Variants in LRRTM4 observed in about 807,000 individuals in gnomAD.
LRRTM4 encodes leucine rich repeat transmembrane neuronal 4.
LRRTM4 carries 25 observed loss-of-function variants against 47.6 expected under a neutral mutation model. That is an observed-to-expected ratio of 0.53 (90% CI 0.38 to 0.73). LRRTM4 has a LOEUF of 0.73. Among genes scored for constraint, LRRTM4 ranks in the 30% least tolerant of loss-of-function variants. The pLI is 0.00. For missense variants in LRRTM4, 638 were observed against 713.4 expected, an observed-to-expected ratio of 0.89 and a Z score of 1.20; for synonymous variants, 311 against 269.5, an observed-to-expected ratio of 1.15 and a Z score of -1.51.
chr2:76,790,986 G>T (rs1270104228), intron 3 of LRRTM4, among the ~76,000 whole-genome samples: 1 of 152,042 alleles, frequency 6.6e-6, no homozygotes, highest in Non-Finnish European at 1.5e-5. Flanking sequence ...GTCCACAGAA[G>T]GTATGTTTCC....
At chr2:76,927,282 A>T (rs1227840331) in intron 3 of LRRTM4, among the ~76,000 whole-genome samples, 2 of 152,128 alleles carry the variant, frequency 1.3e-5, no homozygotes, top group African/African-American at 4.8e-5. Context: ...ATTTGGATTG[A>T]GATGAAAACT....
At chr2:77,163,591 C>A (rs190786732) in intron 3 of LRRTM4, among the ~76,000 whole-genome samples, 19 of 152,194 alleles carry the variant, frequency 1.2e-4, no homozygotes, top group African/African-American at 3.4e-4. Context: ...TTTGGGTTAC[C>A]CATAAAAGGA....
chr2:76,761,247 G>A (rs1440988391), intron 3 of LRRTM4, among the ~76,000 whole-genome samples: 1 of 152,184 alleles, frequency 6.6e-6, no homozygotes, highest in Non-Finnish European at 1.5e-5. Context: ...CAAATGCGGT[G>A]CACACCTGTG....
chr2:77,218,477 C>T (rs1674521544), intron 3 of LRRTM4, among the ~76,000 whole-genome samples: 2 of 151,604 alleles, frequency 1.3e-5, no homozygotes, highest in African/African-American at 4.8e-5. Context: ...TCTCTTAATG[C>T]CATATACTTC....
intron 3 of LRRTM4, among the ~76,000 whole-genome samples, chr2:77,054,519 C>T (rs576541153): frequency 2.6e-5 from 4 of 152,176 alleles, no homozygotes; most frequent in South Asian, 2.1e-4. Flanking sequence ...AAATAAGTAA[C>T]GGAAATACTG....
chr2:76,909,956 G>C (rs561967071), intron 3 of LRRTM4, among the ~76,000 whole-genome samples: 3 of 152,266 alleles, frequency 2.0e-5, no homozygotes, highest in African/African-American at 7.2e-5. Flanking sequence ...CAGGGATCTA[G>C]AACTAGAAAT....
intron 3 of LRRTM4, among the ~76,000 whole-genome samples, chr2:77,207,239 A>ATG (rs1156740375): frequency 6.8e-6 from 1 of 146,104 alleles, no homozygotes; most frequent in African/African-American, 2.5e-5. Flanking sequence ...GTATATATAT[A>ATG]TACGTATTTA....
intron 3 of LRRTM4, among the ~76,000 whole-genome samples, chr2:77,451,091 T>C (rs189242886): frequency 6.6e-6 from 1 of 152,276 alleles, no homozygotes; most frequent in African/African-American, 2.4e-5. Flanking sequence ...TTTTAAGTCT[T>C]ATTATTCAAT....
At chr2:77,188,393 C>G (rs1673571864) in intron 3 of LRRTM4, among the ~76,000 whole-genome samples, 1 of 152,106 alleles carries the variant, frequency 6.6e-6, no homozygotes, top group African/African-American at 2.4e-5. Context: ...GTTAATTTTT[C>G]CTTCACATTC....
chr2:77,075,061 G>C (rs1469066681), intron 3 of LRRTM4, among the ~76,000 whole-genome samples: 1 of 152,040 alleles, frequency 6.6e-6, no homozygotes, highest in Non-Finnish European at 1.5e-5. Flanking sequence ...CAATATTCTT[G>C]CATAAAAATT....
At chr2:76,853,402 G>A (rs997403108) in intron 3 of LRRTM4, among the ~76,000 whole-genome samples, 1 of 151,868 alleles carries the variant, frequency 6.6e-6, no homozygotes, top group Non-Finnish European at 1.5e-5. Context: ...GATCTAAATT[G>A]TTGAGAGCAC....
At chr2:76,878,842 C>T (rs1016618137) in intron 3 of LRRTM4, among the ~76,000 whole-genome samples, 9 of 151,972 alleles carry the variant, frequency 5.9e-5, no homozygotes, top group African/African-American at 1.9e-4. Context: ...CCACTGCACT[C>T]CAGCCTGGAT....
intron 3 of LRRTM4, among the ~76,000 whole-genome samples, chr2:77,269,995 G>A (rs1676150318): frequency 6.6e-6 from 1 of 152,108 alleles, no homozygotes; most frequent in African/African-American, 2.4e-5. Flanking sequence ...TTTTTTGATT[G>A]CTGAAAGACA....
At chr2:77,109,529 C>A (rs935450880) in intron 3 of LRRTM4, among the ~76,000 whole-genome samples, 1 of 152,062 alleles carries the variant, frequency 6.6e-6, no homozygotes, top group African/African-American at 2.4e-5. Flanking sequence ...AAGAACAAAG[C>A]AGTTCCAGGT....
intron 3 of LRRTM4, among the ~76,000 whole-genome samples, chr2:76,857,130 ACCCCTCC>A (rs1397334798): frequency 4.6e-5 from 7 of 151,170 alleles, no homozygotes; most frequent in African/African-American, 1.7e-4. Context: ...AGCAATACCA[ACCCCTCC>A]TCTTCTTCCT....
chr2:76,925,614 T>C (rs573456328), intron 3 of LRRTM4, among the ~76,000 whole-genome samples: 1 of 152,284 alleles, frequency 6.6e-6, no homozygotes, highest in African/African-American at 2.4e-5. Context: ...ATTTCCATTT[T>C]TGGTCATATT....
chr2:77,493,624 G>A (rs938053310), intron 3 of LRRTM4, among the ~76,000 whole-genome samples: 4 of 151,980 alleles, frequency 2.6e-5, no homozygotes, highest in African/African-American at 9.7e-5. Flanking sequence ...ATGGAGAGAA[G>A]ATATAATATT....
At chr2:77,425,954 T>TA (rs566352644) in intron 3 of LRRTM4, among the ~76,000 whole-genome samples, 216 of 144,068 alleles carry the variant, frequency 1.5e-3, no homozygotes, top group South Asian at 2.2e-3. Context: ...CTGTCTCTAT[T>TA]AAAAAAAAAA....
intron 3 of LRRTM4, among the ~76,000 whole-genome samples, chr2:76,864,891 G>GGT (rs1558700646): frequency 7.2e-6 from 1 of 138,526 alleles, no homozygotes. Flanking sequence ...CACTTCAGCT[G>GGT]TTTTTTTTTT....
Sources: allele counts gnomAD v4.1 joint callset (sites outside exome capture counted in the v4.1 genomes callset), GRCh38; gene constraint gnomAD v4.1.1; transcripts MANE v1.5; gene names NCBI Gene and HGNC (gene_info 2026-07-23, HGNC 2026-07-21).